The following ATP6V1C1 variants were observed in gnomAD, a reference collection of about 807,000 sequenced individuals.
ATP6V1C1 encodes the protein V-type proton ATPase subunit C 1.
In ATP6V1C1, 45 loss-of-function variants were observed where a neutral mutation model predicts 53.9. That is an observed-to-expected ratio of 0.83 (90% CI 0.66 to 1.07). The LOEUF is 1.07. Ranked by LOEUF, ATP6V1C1 falls within the 50% of genes least tolerant of loss-of-function variation. The pLI is 0.00. For synonymous variants in ATP6V1C1, 153 were observed against 155.2 expected (o/e 0.99, Z 0.11); for missense variants, 315 against 440.3 (o/e 0.72, Z 2.55).
chr8:103,050,867 C>T (rs1048635399), intron 4 of ATP6V1C1, among the ~76,000 whole-genome samples, 183 bp from the exon 5 acceptor site: 1 of 152,102 alleles, frequency 6.6e-6, no homozygotes. Context: ...GAAGAGATTA[C>T]AAGGTAGAAA....
intron 1 of ATP6V1C1, among the ~76,000 whole-genome samples, chr8:103,025,534 A>G (rs909285494): frequency 2.6e-5 from 4 of 152,250 alleles, no homozygotes; most frequent in African/African-American, 9.6e-5. Flanking sequence ...TGATGTTTTA[A>G]TGTAACTCCT....
chr8:103,047,463 C>T (rs1402246926), intron 3 of ATP6V1C1, among the ~76,000 whole-genome samples: 12 of 86,824 alleles, frequency 1.4e-4, no homozygotes, highest in African/African-American at 5.3e-4. Context: ...CACACACACA[C>T]ATTTTTTTTT....
chr8:103,066,229 A>G (rs766833978), intron 11 of ATP6V1C1, 92 bp from the exon 12 acceptor site: 6 of 1,416,044 alleles, frequency 4.2e-6, no homozygotes, highest in African/African-American at 2.9e-5. Flanking sequence ...CCCGTTAACC[A>G]TGATTAAAGA....
rs544810036 is a variant in ATP6V1C1 at position 103,043,898 on chromosome 8, T to C, written c.200+1491T>C. Among the ~76,000 whole-genome samples the C allele has an allele frequency of 2.0e-5, 3 of 151,828 alleles. No individual in the cohort carries two copies. The East Asian group carries it at 5.8e-4, about 30-fold the overall frequency. On this transcript the variant is annotated intron_variant, in intron 3 of 12. Transcript: ENST00000518738. Reference sequence around the variant, plus strand: ...CTGTGAGTTGTCTTCATTTTCTTTTTTTCTTCTTGAGACAGAGTCTCGCTC... The same window carrying C: ...CTGTGAGTTGTCTTCATTTTCTTTTCTTCTTCTTGAGACAGAGTCTCGCTC...
intron 11 of ATP6V1C1, among the ~76,000 whole-genome samples, 175 bp downstream of exon 11, chr8:103,064,986 T>C (rs1212080457): frequency 6.6e-6 from 1 of 152,198 alleles, no homozygotes; most frequent in Non-Finnish European, 1.5e-5. Context: ...CATATTAGTC[T>C]TGTTCTTTAG....
chr8:103,046,200 T>A (rs1054590222), intron 3 of ATP6V1C1, among the ~76,000 whole-genome samples: 1 of 152,128 alleles, frequency 6.6e-6, no homozygotes, highest in Non-Finnish European at 1.5e-5. Context: ...TTTGCTCAGA[T>A]TTTAAATTTT....
chr8:103,026,493 G>A (rs1014556362), intron 1 of ATP6V1C1, among the ~76,000 whole-genome samples: 7 of 152,114 alleles, frequency 4.6e-5, no homozygotes, highest in Admixed American at 2.6e-4. Flanking sequence ...AACAAAACAC[G>A]GAATATTTAA....
chr8:103,048,996 A>G (rs2131394295), intron 4 of ATP6V1C1, 41 bp downstream of exon 4: 1 of 1,561,514 alleles, frequency 6.4e-7, no homozygotes, highest in Non-Finnish European at 8.8e-7. Flanking sequence ...AACTCATACA[A>G]AGCAAATAAC....
At chr8:103,059,939 C>G (rs1309919779) in intron 8 of ATP6V1C1, among the ~76,000 whole-genome samples, 1 of 151,316 alleles carries the variant, frequency 6.6e-6, no homozygotes. Context: ...TATGTCCCAG[C>G]CATATATGTA....
At chr8:103,048,522 C>T (rs1202981899) in intron 3 of ATP6V1C1, among the ~76,000 whole-genome samples, 2 of 152,200 alleles carry the variant, frequency 1.3e-5, no homozygotes, top group South Asian at 2.1e-4. Flanking sequence ...CAGCCTCCTC[C>T]TTTGTTCTCA....
At chr8:103,060,944 A>G (rs1438308983) in intron 8 of ATP6V1C1, among the ~76,000 whole-genome samples, 1 of 152,176 alleles carries the variant, frequency 6.6e-6, no homozygotes, top group Non-Finnish European at 1.5e-5. Context: ...CAAAACAGCA[A>G]AGTGTTGGAT....
Position 103,052,836 on chromosome 8 carries a change from G to T in ATP6V1C1, c.473+14G>T. 1 of 1,507,700 alleles carries T rather than the reference G, an allele frequency of 6.6e-7. No individual in the cohort carries two copies. Among genetic ancestry groups the T allele is most frequent in the Non-Finnish European group, 9.0e-7 (1 of 1,109,674 alleles). The allele number at this position is 1,507,700 out of a possible 1,614,324, so 93.4% of individuals were successfully genotyped here. On this transcript the variant is annotated intron_variant, in intron 6 of 12. Coordinates refer to ENST00000518738, the MANE Select transcript of ATP6V1C1 (RefSeq NM_001695.5). ...ACGAAAGAATGCGTAAGCAGATCAA[G>T]TATATTTGAGTACTAAGAACTGGGG...
At chr8:103,026,522 G>A (rs1456165631) in intron 1 of ATP6V1C1, among the ~76,000 whole-genome samples, 3 of 152,122 alleles carry the variant, frequency 2.0e-5, no homozygotes, top group Admixed American at 1.3e-4. Flanking sequence ...TAAGAAAGGC[G>A]GGGCTGGGTG....
At position 103,071,374 on chromosome 8, in the gene ATP6V1C1, G is replaced by C. The variant is rs1053398444; in HGVS notation, c.*2627G>C. The C allele has an allele frequency of 3.3e-5, 5 of 152,090 alleles. No individual in the cohort carries two copies. The highest frequency in any genetic ancestry group is 9.7e-5 in the African/African-American group (4 of 41,402). The allele number at this position is 152,090 out of a possible 1,614,324, so 9.4% of individuals were successfully genotyped here. A position where few individuals can be genotyped will look rare whatever the true frequency, so the allele number is the denominator to read the frequency against. On this transcript the variant is annotated 3_prime_UTR_variant, in exon 13 of 13. Coordinates refer to ENST00000518738, the MANE Select transcript of ATP6V1C1 (RefSeq NM_001695.5). ...CTGGCGGTCCCCATTTTCATGTATGGAGACTTCAGGTGAAAGAAGTTAAGT... is the reference window on the plus strand; with the variant it reads ...CTGGCGGTCCCCATTTTCATGTATGCAGACTTCAGGTGAAAGAAGTTAAGT...
At chr8:103,022,419 A>G (rs944537511) in intron 1 of ATP6V1C1, among the ~76,000 whole-genome samples, 9 of 152,186 alleles carry the variant, frequency 5.9e-5, no homozygotes, top group South Asian at 2.1e-4. Context: ...TATTCATGCA[A>G]ATAATGTGTA....
chr8:103,067,450 T>C (rs1326052186), intron 12 of ATP6V1C1, among the ~76,000 whole-genome samples: 4 of 151,430 alleles, frequency 2.6e-5, no homozygotes, highest in Non-Finnish European at 5.9e-5. Flanking sequence ...TTTCTGGTTT[T>C]AAATATCTTG....
Position 103,042,539 on chromosome 8 carries a change from G to A in ATP6V1C1, c.200+132G>A, listed in dbSNP as rs543279211. 1.8e-4 allele frequency: 131 copies of A among 742,244 alleles called. 1 individual carries two copies. In the Middle Eastern group the frequency reaches 3.6e-3, roughly 21 times the overall value. The allele number at this position is 742,244 out of a possible 1,614,324, so 46.0% of individuals were successfully genotyped here. On this transcript the variant is annotated intron_variant, in intron 3 of 12. Coordinates refer to ENST00000518738, the MANE Select transcript of ATP6V1C1 (RefSeq NM_001695.5). ...TTTAGAAAACGACTTTTTTCCCTTC[G>A]TATATCAATTTTATGAAGGTACAAT...
rs559297824 is a variant in ATP6V1C1, at chr8:103,023,906, G to T, written c.-40+2681G>T. Among the ~76,000 whole-genome samples the T allele has an allele frequency of 6.2e-4, 68 of 110,262 alleles. 1 individual carries two copies. The highest frequency in any genetic ancestry group is 1.7e-3 in the African/African-American group (54 of 30,990). 72.3% of individuals were successfully genotyped at this position (110,262 alleles called of 152,430 possible). A position where few individuals can be genotyped will look rare whatever the true frequency, so the allele number is the denominator to read the frequency against. Reference sequence around the variant, plus strand: ...AGTCTTTGATTCAGCATTTTTTTTTGGGGGGGGGGAACTTCTCCCTGAAGA... The same window carrying T: ...AGTCTTTGATTCAGCATTTTTTTTTTGGGGGGGGGAACTTCTCCCTGAAGA... On this transcript the variant is annotated intron_variant, in intron 1 of 12. Transcript: ENST00000518738.
intron 1 of ATP6V1C1, among the ~76,000 whole-genome samples, chr8:103,028,991 T>C (rs893883116): frequency 1.3e-5 from 2 of 152,138 alleles, no homozygotes; most frequent in African/African-American, 4.8e-5. Context: ...CATTTTTTTG[T>C]TTGTGTTTAC....
Sources: gnomAD v4.1 joint callset for allele counts (sites outside exome capture counted in the v4.1 genomes callset) on GRCh38, gnomAD v4.1.1 for gene constraint, MANE v1.5 for transcripts, NCBI Gene and HGNC (gene_info 2026-07-23, HGNC 2026-07-21) for gene names.